Variants in MDN1 observed in about 807,000 individuals in gnomAD.
MDN1 encodes midasin AAA ATPase 1, also known as midasin.
In MDN1, 266 loss-of-function variants were observed where a neutral mutation model predicts 669.2. The observed-to-expected ratio is 0.40, with a 90% CI of 0.36 to 0.44. The LOEUF is 0.44. MDN1 is among the 20% of genes least tolerant of loss of function. The pLI is 1.00. For missense variants in MDN1, 5,940 were observed against 6,754.0 expected (o/e 0.88, Z 4.22); for synonymous variants, 2,385 against 2,457.1 (o/e 0.97, Z 0.87).
At chr6:89,796,835 G>T (rs1472466141) in intron 2 of MDN1, among the ~76,000 whole-genome samples, 40 of 151,212 alleles carry the variant, frequency 2.6e-4, no homozygotes, top group Admixed American at 2.4e-3. Context: ...TTGGGAGGCT[G>T]AGGCGGGTGG....
At chr6:89,662,034 CAA>C in intron 87 of MDN1, 51 bp downstream of exon 87, 1 of 1,572,454 alleles carries the variant, frequency 6.4e-7, no homozygotes, top group Non-Finnish European at 8.6e-7. Context: ...CTATACAGCT[CAA>C]GAGCTCTGGC....
intron 15 of MDN1, among the ~76,000 whole-genome samples, chr6:89,766,572 T>C (rs1472597990): frequency 6.6e-6 from 1 of 152,142 alleles, no homozygotes; most frequent in Non-Finnish European, 1.5e-5. Context: ...TGGGAGCCAC[T>C]TAAATGCCAA....
At chr6:89,696,101 A>G (rs1233743726) in intron 60 of MDN1, 109 bp from the exon 61 acceptor site, 5 of 1,401,798 alleles carry the variant, frequency 3.6e-6, no homozygotes, top group Non-Finnish European at 4.8e-6. Context: ...TGCAGCATCA[A>G]TATGTAGAGG....
At chr6:89,753,033 G>C (rs1463171569) in intron 22 of MDN1, among the ~76,000 whole-genome samples, 1 of 151,888 alleles carries the variant, frequency 6.6e-6, no homozygotes, top group Non-Finnish European at 1.5e-5. Context: ...TGAGACAGGA[G>C]AATCACTTCA....
intron 43 of MDN1, among the ~76,000 whole-genome samples, chr6:89,717,345 A>C (rs1159283106): frequency 6.6e-6 from 1 of 152,166 alleles, no homozygotes; most frequent in African/African-American, 2.4e-5. Flanking sequence ...TTGGATTTCT[A>C]CTTCTAAAGA....
chr6:89,795,399 A>C (rs1819528245), intron 2 of MDN1, among the ~76,000 whole-genome samples: 2 of 152,062 alleles, frequency 1.3e-5, no homozygotes, highest in Non-Finnish European at 2.9e-5. Flanking sequence ...TAATGAATGA[A>C]GACGACAAGC....
chr6:89,695,587 T>A lies in MDN1; in HGVS notation c.9771+18A>T, dbSNP rs9294446. The A allele has an allele frequency of 0.85, 1,332,433 of 1,566,148 alleles. 568,684 individuals are homozygous for A. Among genetic ancestry groups the A allele is most frequent in the East Asian group, 1 (44,114 of 44,144 alleles). ...CGTCAGGGAAGGAGCCCATGCTCCATACTCTTGCCTCCCATACCTCTTCCT... is the reference window on the plus strand; with the variant it reads ...CGTCAGGGAAGGAGCCCATGCTCCAAACTCTTGCCTCCCATACCTCTTCCT... On this transcript the variant is annotated intron_variant, in intron 61 of 101. Transcript: ENST00000369393. This position sits in a 1 kb window ranked among gnomAD's most constrained non-coding sequence, Gnocchi z 4.1.
rs770911257 is a variant in MDN1 at position 89,683,150 on chromosome 6, G to T, written c.12084C>A (p.Ala4028=). The T allele has an allele frequency of 1.2e-5, 20 of 1,613,970 alleles. No homozygotes were observed. The African/African-American group carries it at 1.9e-4, about 15-fold the overall frequency. ...LNRALRETLL[A]QPAAGQATIP... ...CAAGTACCTGCCCAGCTGCTGGTTG[G>T]GCTAACAGGGTCTCCCTCAGTGCCC... Residue 4028 remains alanine, a synonymous_variant, in exon 73 of 102, where the codon GCC becomes GCA. Transcript: ENST00000369393.
At chr6:89,819,213 C>A (rs1769086274) in intron 1 of MDN1, among the ~76,000 whole-genome samples, 1 of 152,200 alleles carries the variant, frequency 6.6e-6, no homozygotes, top group Non-Finnish European at 1.5e-5. Context: ...AAACCACATT[C>A]CTTTGGGAAG....
At chr6:89,704,869 C>T (rs1396804698) in intron 53 of MDN1, among the ~76,000 whole-genome samples, 2 of 152,200 alleles carry the variant, frequency 1.3e-5, no homozygotes, top group Admixed American at 6.5e-5. Flanking sequence ...CGTGAGCCAC[C>T]GCACCTGGCC....
chr6:89,677,671 A>G lies in MDN1; in HGVS notation c.12438T>C (p.Ala4146=). 1.2e-6 allele frequency: 2 copies of G among 1,614,186 alleles called. No individual in the cohort carries two copies. Among genetic ancestry groups the G allele is most frequent in the Non-Finnish European group, 8.5e-7 (1 of 1,180,036 alleles). ...KIGLSYRKGL[A]WARSKNPQEM... Reference sequence around the variant, plus strand: ...CTTGAGGGTTTTTTGAACGGGCCCAAGCAAGACCTTTGCGATACGACAAAC... The same window carrying G: ...CTTGAGGGTTTTTTGAACGGGCCCAGGCAAGACCTTTGCGATACGACAAAC... Residue 4146 remains alanine (A), a synonymous_variant, in exon 76 of 102, where the codon GCT becomes GCC. Transcript: ENST00000369393.
chr6:89,710,864 G>A, intron 49 of MDN1, 70 bp from the exon 50 acceptor site: 1 of 878,870 alleles, frequency 1.1e-6, no homozygotes, highest in Non-Finnish European at 1.8e-6. Flanking sequence ...CTGCAGTGAT[G>A]AAAATGTTCT....
At chr6:89,760,942 C>T (rs1281472696) in intron 17 of MDN1, among the ~76,000 whole-genome samples, 9 of 152,078 alleles carry the variant, frequency 5.9e-5, no homozygotes, top group Non-Finnish European at 1.2e-4. Context: ...TGGCAGATCA[C>T]GAGGTCAGGA....
chr6:89,733,049 A>G (rs1376511444), intron 33 of MDN1, among the ~76,000 whole-genome samples: 1 of 152,242 alleles, frequency 6.6e-6, no homozygotes, highest in Admixed American at 6.5e-5. Context: ...AAAACTGCTC[A>G]AAGAAATATT....
At position 89,780,870 on chromosome 6, in the gene MDN1, C is replaced by T. The variant is rs190550616; in HGVS notation, c.1643+529G>A. Among the ~76,000 whole-genome samples the T allele has an allele frequency of 1.9e-3, 289 of 150,318 alleles. 1 individual carries two copies. Among genetic ancestry groups the T allele is most frequent in the Middle Eastern group, 6.8e-3 (2 of 294 alleles). On this transcript the variant is annotated intron_variant, in intron 10 of 101. Coordinates refer to ENST00000369393, the MANE Select transcript of MDN1 (RefSeq NM_014611.3). ...TTCACCATGTTGGCCAGGATGGTCTCGAACTCCTGATCTCATGATCCGCCC... is the reference window on the plus strand; with the variant it reads ...TTCACCATGTTGGCCAGGATGGTCTTGAACTCCTGATCTCATGATCCGCCC...
At chr6:89,725,993 A>AT (rs1407085861) in intron 37 of MDN1, among the ~76,000 whole-genome samples, 1 of 151,852 alleles carries the variant, frequency 6.6e-6, no homozygotes, top group Non-Finnish European at 1.5e-5. Flanking sequence ...ATATATTAAT[A>AT]ATCTTTAAAC....
chr6:89,688,739 A>G lies in MDN1; in HGVS notation c.11093T>C (p.Phe3698Ser), dbSNP rs1281465995. Residue 3698 changes from phenylalanine to serine, a missense_variant, in exon 66 of 102, where the codon TTT becomes TCT. Phe to Ser is a radical substitution (Grantham distance 155, BLOSUM62 -2). Around this residue, in one of 5 missense-constraint regions of MDN1, gnomAD observed 2,280 missense variants for 2,576.3 expected, o/e 0.88. Coordinates refer to ENST00000369393, the MANE Select transcript of MDN1 (RefSeq NM_014611.3). The stretch of plus-strand genomic sequence containing the variant: ...CATCAGGTCTGAGGGTGCCTCCCCA[A>G]AAAGAGTGTTATGGGAGAGGGTACA... Reference protein sequence around the residue: ...LACTLSHNTLFGEAPSDLMVK... With the variant: ...LACTLSHNTLSGEAPSDLMVK... 6.2e-7 allele frequency: 1 copy of G among 1,614,188 alleles called. No individual in the cohort carries two copies. The highest frequency in any genetic ancestry group is 1.1e-5 in the South Asian group (1 of 91,088).
rs751247837 is a variant in MDN1, at chr6:89,725,246, C to T, written c.5623G>A (p.Gly1875Ser). 1.1e-5 allele frequency: 17 copies of T among 1,613,938 alleles called. No individual in the cohort carries two copies. The African/African-American group carries it at 2.0e-4, about 19-fold the overall frequency. Residue 1875 changes from glycine (G) to serine (S), a missense_variant, in exon 38 of 102, where the codon GGT becomes AGT. Around this residue, in one of 5 missense-constraint regions of MDN1, gnomAD observed 2,292 missense variants for 2,638.3 expected, o/e 0.87. Coordinates refer to ENST00000369393, the MANE Select transcript of MDN1 (RefSeq NM_014611.3). Reference protein sequence around the residue: ...FGCQNPFRQGGGRKGLPRSFL... With the variant: ...FGCQNPFRQGSGRKGLPRSFL... ...GACCTGGGCAAGCCTTTCCTCCCAC[C>T]TCCTTGTCTAAAGGGATTCTGACAC...
intron 2 of MDN1, among the ~76,000 whole-genome samples, chr6:89,800,150 G>A (rs929979243): frequency 7.2e-5 from 11 of 151,988 alleles, no homozygotes; most frequent in Non-Finnish European, 1.0e-4. Flanking sequence ...AAAACAGGCC[G>A]GGCACGGTGG....
Sources: gnomAD v4.1 joint callset for allele counts (sites outside exome capture counted in the v4.1 genomes callset) on GRCh38, gnomAD v4.1.1 for gene constraint, gnomAD v4.1.1 regional missense constraint, Gnocchi (gnomAD v3.1) non-coding constraint, MANE v1.5 for transcripts, NCBI Gene and HGNC (gene_info 2026-07-23, HGNC 2026-07-21) for gene names.